The following NEK10 variants were observed in gnomAD, a reference collection of about 807,000 sequenced individuals.
NEK10 encodes the protein NIMA related kinase 10.
In NEK10, 122 loss-of-function variants were observed where a neutral mutation model predicts 159.8. The ratio of observed to expected loss-of-function variants is 0.76; its 90% CI spans 0.66 to 0.89. NEK10 has a LOEUF of 0.89. NEK10 is among the 40% of genes least tolerant of loss of function. The pLI, the probability that NEK10 is intolerant of heterozygous loss-of-function variation, is 0.00. For missense variants in NEK10, 1,342 were observed against 1,323.1 expected (o/e 1.01, Z -0.22); for synonymous variants, 466 against 457.1 (o/e 1.02, Z -0.25).
intron 23 of NEK10, chr3:27,214,927 G>A: frequency 3.0e-6 from 3 of 1,000,046 alleles, no homozygotes; most frequent in South Asian, 2.6e-5. Context: ...TAAAGAAGGT[G>A]AGAAGACAAT....
intron 30 of NEK10, among the ~76,000 whole-genome samples, chr3:27,150,053 C>T (rs1038854906): frequency 1.3e-5 from 2 of 152,168 alleles, no homozygotes; most frequent in Non-Finnish European, 1.5e-5. Flanking sequence ...CAGAGGAAGG[C>T]CCCAACCCTC....
rs1939197185 is a variant in NEK10 at position 27,108,392 on chromosome 3, C to A, written c.*2880G>T. Among the ~76,000 whole-genome samples, 1 of 152,192 alleles carries A rather than the reference C, an allele frequency of 6.6e-6. No individual in the cohort carries two copies. Among genetic ancestry groups the A allele is most frequent in the Non-Finnish European group, 1.5e-5 (1 of 68,034 alleles). Reference sequence around the variant, plus strand: ...CCTGGAGGAAGATAAAGTTAACAAGCAAGCAAATATTCCTGCTGCAGTCAC... The same window carrying A: ...CCTGGAGGAAGATAAAGTTAACAAGAAAGCAAATATTCCTGCTGCAGTCAC... On this transcript the variant is annotated 3_prime_UTR_variant, in exon 36 of 36. Coordinates refer to ENST00000691995, the MANE Select transcript of NEK10 (RefSeq NM_001394966.1).
At chr3:27,297,289 T>C in intron 13 of NEK10, 49 bp from the exon 14 acceptor site, 1 of 1,211,434 alleles carries the variant, frequency 8.3e-7, no homozygotes, top group East Asian at 2.4e-5. Context: ...ACAATAAATA[T>C]ACTATCACAT....
At chr3:27,172,135 G>A (rs935556671) in intron 28 of NEK10, among the ~76,000 whole-genome samples, 2 of 151,636 alleles carry the variant, frequency 1.3e-5, no homozygotes, top group African/African-American at 2.4e-5. Flanking sequence ...TCAAGAGAGC[G>A]AGACCTTCCT....
At chr3:27,366,810 T>A (rs1283058365) in intron 1 of NEK10, among the ~76,000 whole-genome samples, 1 of 145,896 alleles carries the variant, frequency 6.9e-6, no homozygotes, top group Admixed American at 6.8e-5. Context: ...TGTGTTCATT[T>A]TTTTTTTTTT....
intron 26 of NEK10, among the ~76,000 whole-genome samples, chr3:27,180,014 G>T (rs1416741390): frequency 6.6e-6 from 1 of 152,130 alleles, no homozygotes; most frequent in Non-Finnish European, 1.5e-5. Context: ...CTGGGAGGCG[G>T]AGGTTGCAGT....
In NEK10 at chr3:27,322,201, T is replaced by C; in HGVS notation, c.423A>G (p.Leu141=). 2 of 1,561,960 alleles carry C rather than the reference T, an allele frequency of 1.3e-6. No homozygotes were observed. The highest frequency in any genetic ancestry group is 8.7e-7 in the Non-Finnish European group (1 of 1,148,336). Reference sequence around the variant, plus strand: ...CCTGATAACATGGATCCCTCATTAGTAGCCTCAGACAGATTAACACTCTCA... The same window carrying C: ...CCTGATAACATGGATCCCTCATTAGCAGCCTCAGACAGATTAACACTCTCA... ...HFLRVLICLR[L]LMRDPCYQEI... is the part of the protein sequence containing the mutation. The change falls in exon 6 of 36, where the codon CTA becomes CTG. Residue 141 remains leucine, a synonymous_variant. Transcript: ENST00000691995.
intron 6 of NEK10, among the ~76,000 whole-genome samples, chr3:27,317,553 T>C (rs143989287): frequency 6.6e-6 from 1 of 152,136 alleles, no homozygotes; most frequent in Admixed American, 6.5e-5. Flanking sequence ...TTAAAAAAAA[T>C]AGACTCAATA....
At chr3:27,138,043 G>A (rs1943396650) in intron 31 of NEK10, among the ~76,000 whole-genome samples, 1 of 152,194 alleles carries the variant, frequency 6.6e-6, no homozygotes, top group South Asian at 2.1e-4. Context: ...GAGCCCTGGA[G>A]GGATGCTGAA....
At chr3:27,268,925 A>G (rs571572593) in intron 22 of NEK10, among the ~76,000 whole-genome samples, 70 of 152,336 alleles carry the variant, frequency 4.6e-4, no homozygotes, top group African/African-American at 1.7e-3. Context: ...AGGTCAAAAT[A>G]TCAACATTAA....
intron 22 of NEK10, among the ~76,000 whole-genome samples, chr3:27,280,125 G>A (rs62255591): frequency 0.22 from 32,908 of 146,876 alleles, 4,163 homozygotes; most frequent in Middle Eastern, 0.37. Context: ...AAAAAGCTGG[G>A]AGAGGGGATA....
chr3:27,116,086 C>T lies in NEK10; in HGVS notation c.3232G>A (p.Glu1078Lys). The T allele has an allele frequency of 6.2e-7, 1 of 1,613,598 alleles. No individual in the cohort carries two copies. Among genetic ancestry groups the T allele is most frequent in the Non-Finnish European group, 8.5e-7 (1 of 1,179,738 alleles). Residue 1078 changes from glutamate (E) to lysine (K), a missense_variant, in exon 34 of 36, where the codon GAA (glutamate) becomes AAA (lysine). Coordinates refer to ENST00000691995, the MANE Select transcript of NEK10 (RefSeq NM_001394966.1). ...SIELEEGITY[E>K]QMQTVIEEVL... ...TGCAAAAACCTCACCTGCATCTGTT[C>T]ATATGTTATTCCTTCCTCCAATTCA...
chr3:27,252,125 G>C, intron 23 of NEK10: 1 of 356,770 alleles, frequency 2.8e-6, no homozygotes, highest in South Asian at 2.4e-5. Context: ...AAACAGTGGT[G>C]AACAAAGGAG....
At chr3:27,141,064 G>T (rs1211275408) in intron 31 of NEK10, among the ~76,000 whole-genome samples, 4 of 152,136 alleles carry the variant, frequency 2.6e-5, no homozygotes, top group Non-Finnish European at 4.4e-5. Flanking sequence ...TCTGGATTTT[G>T]TGTGGTTTTG....
At chr3:27,239,757 A>T (rs1954344405) in intron 23 of NEK10, among the ~76,000 whole-genome samples, 1 of 152,222 alleles carries the variant, frequency 6.6e-6, no homozygotes, top group Admixed American at 6.5e-5. Flanking sequence ...ACCTTTCAGT[A>T]CATGAAGAGT....
In NEK10 at chr3:27,256,912, C is replaced by CTTT. The variant is rs550014186; in HGVS notation, c.2015-544_2015-542dup. 1.9e-3 allele frequency among the ~76,000 whole-genome samples: 242 copies of CTTT among 125,088 alleles called. 6 individuals carry two copies. Among genetic ancestry groups the CTTT allele is most frequent in the Middle Eastern group, 8.7e-3 (2 of 230 alleles). The allele number at this position is 125,088 out of a possible 152,430, so 82.1% of individuals were successfully genotyped here. On this transcript the variant is annotated intron_variant, in intron 22 of 35. Coordinates refer to ENST00000691995, the MANE Select transcript of NEK10 (RefSeq NM_001394966.1). ...CTTCAGGTACTTCTCTTTTTTCTCTCTTTTTTTTTTTTTTTTTTTTTGAGA... is the reference window on the plus strand; with the variant it reads ...CTTCAGGTACTTCTCTTTTTTCTCTCTTTTTTTTTTTTTTTTTTTTTTTTGAGA...
rs1390286446 is a variant in NEK10 at position 27,162,499 on chromosome 3, C to G, written c.2869+202G>C. On this transcript the variant is annotated intron_variant, in intron 30 of 35. Coordinates refer to ENST00000691995, the MANE Select transcript of NEK10 (RefSeq NM_001394966.1). ...ATTTCGAAGAATCACAGCAGGAAGG[C>G]TATGGGACTGCCACCCTGTCACTAA... The G allele has an allele frequency of 3.1e-6, 5 of 1,614,004 alleles. No individual in the cohort carries two copies. In the African/African-American group the frequency reaches 4.0e-5, roughly 13 times the overall value.
chr3:27,232,477 G>A (rs1345264493), intron 23 of NEK10, among the ~76,000 whole-genome samples: 2 of 151,858 alleles, frequency 1.3e-5, no homozygotes, highest in Non-Finnish European at 1.5e-5. Flanking sequence ...TTAAGAAAAT[G>A]ACCATACTAT....
At chr3:27,300,113 C>A (rs1236781428) in intron 13 of NEK10, among the ~76,000 whole-genome samples, 1 of 151,964 alleles carries the variant, frequency 6.6e-6, no homozygotes, top group African/African-American at 2.4e-5. Flanking sequence ...TGACTGTGTC[C>A]CCACCCAAAT....
Sources: allele counts gnomAD v4.1 joint callset (sites outside exome capture counted in the v4.1 genomes callset), GRCh38; gene constraint gnomAD v4.1.1; transcripts MANE v1.5; gene names NCBI Gene and HGNC (gene_info 2026-07-23, HGNC 2026-07-21).